NDUFA9: variants seen among roughly 807,000 people sequenced by gnomAD.
NDUFA9 encodes NADH:ubiquinone oxidoreductase subunit A9.
A neutral mutation model predicts 45.9 loss-of-function variants in NDUFA9; 23 were observed. The ratio of observed to expected loss-of-function variants is 0.50; its 90% CI spans 0.36 to 0.71. The LOEUF (loss-of-function observed/expected upper bound fraction) is 0.71, where lower values mean the gene tolerates loss of function less well. Ranked by LOEUF, NDUFA9 falls within the 30% of genes least tolerant of loss-of-function variation. The probability of loss-of-function intolerance (pLI) is 0.00; values close to 1 mark genes in which losing one functional copy is unlikely to be tolerated. For missense variants in NDUFA9, 466 were observed against 488.2 expected (o/e 0.95, Z 0.43); for synonymous variants, 176 against 170.5 (o/e 1.03, Z -0.25).
chr12:4,681,975 GTATT>G (rs1397662887), intron 8 of NDUFA9, among the ~76,000 whole-genome samples: 3 of 152,166 alleles, frequency 2.0e-5, no homozygotes, highest in African/African-American at 7.2e-5. Flanking sequence ...AATGGATTGT[GTATT>G]TATTAAAAGC....
chr12:4,669,662 T>G (rs569938633), intron 7 of NDUFA9, 79 bp from the exon 8 acceptor site: 1 of 922,590 alleles, frequency 1.1e-6, no homozygotes, highest in Non-Finnish European at 1.7e-6. Flanking sequence ...TTCTCTTCTT[T>G]CCTTTCTTTC....
intron 6 of NDUFA9, among the ~76,000 whole-genome samples, chr12:4,663,428 T>C (rs1452832848): frequency 6.6e-6 from 1 of 152,198 alleles, no homozygotes; most frequent in Non-Finnish European, 1.5e-5. Flanking sequence ...TTAGGACTTT[T>C]GGAGGAAATT....
In NDUFA9 at chr12:4,686,966, A is replaced by G. The variant is rs764307756; in HGVS notation, c.992A>G (p.His331Arg). 6.2e-7 allele frequency: 1 copy of G among 1,614,100 alleles called. No homozygotes were observed. The highest frequency in any genetic ancestry group is 1.7e-5 in the Admixed American group (1 of 60,022). The change falls in exon 11 of 11, where the codon CAC becomes CGC. Residue 331 changes from histidine (H) to arginine (R), a missense_variant. Coordinates refer to ENST00000266544, the MANE Select transcript of NDUFA9 (RefSeq NM_005002.5). ...CACATCACAGACATGAAATTGCCTC[A>G]CCTGCCTGGCTTAGAAGACCTTGGT... ...RMHITDMKLPHLPGLEDLGIQ... is the reference protein window; with the variant it reads ...RMHITDMKLPRLPGLEDLGIQ...
intron 9 of NDUFA9, among the ~76,000 whole-genome samples, chr12:4,684,367 G>A (rs149488960): frequency 6.6e-6 from 1 of 152,306 alleles, no homozygotes; most frequent in Non-Finnish European, 1.5e-5. Flanking sequence ...AAAAGAGCTG[G>A]TCTGGTTGCA....
chr12:4,657,906 GCAC>G, intron 4 of NDUFA9, 67 bp downstream of exon 4: 1 of 1,253,046 alleles, frequency 8.0e-7, no homozygotes, highest in Non-Finnish European at 1.2e-6. Context: ...CCTTCGCTGG[GCAC>G]CTTTTATGTG....
chr12:4,674,101 T>A (rs1435693308), intron 8 of NDUFA9, among the ~76,000 whole-genome samples: 3 of 152,200 alleles, frequency 2.0e-5, no homozygotes, highest in Non-Finnish European at 2.9e-5. Flanking sequence ...TAAAATCCTT[T>A]ACAGACAAGC....
At chr12:4,681,481 T>G (rs905420753) in intron 8 of NDUFA9, among the ~76,000 whole-genome samples, 14 of 150,804 alleles carry the variant, frequency 9.3e-5, no homozygotes, top group Non-Finnish European at 1.8e-4. Context: ...AATTAAAACA[T>G]GAGATACCTT....
Position 4,693,983 on chromosome 12 carries a change from G to A in NDUFA9, c.*6875G>A, listed in dbSNP as rs1265111876. 2.0e-5 allele frequency: 3 copies of A among 152,222 alleles called. No homozygotes were observed. Among genetic ancestry groups the A allele is most frequent in the Non-Finnish European group, 4.4e-5 (3 of 68,046 alleles). The allele number at this position is 152,222 out of a possible 1,614,324, so 9.4% of individuals were successfully genotyped here. On this transcript the variant is annotated 3_prime_UTR_variant, in exon 11 of 11. Transcript: ENST00000266544. ...AGTCCATAAATAGGACTTGGAAATG[G>A]AAGTGTAGGGGGAGATCCCATTGTA...
At position 4,649,166 on chromosome 12, in the gene NDUFA9, T is replaced by C; in HGVS notation, c.40T>C (p.Ser14Pro). The C allele has an allele frequency of 6.2e-7, 1 of 1,604,990 alleles. No homozygotes were observed. The highest frequency in any genetic ancestry group is 8.5e-7 in the Non-Finnish European group (1 of 1,175,958). ...AAQSRVVRVL[S>P]MSRSAITAIA... ...ACAATCCCGGGTTGTCCGGGTCCTG[T>C]CAATGTCACGTAAGTGTTACCGGGA... The change falls in exon 1 of 11, where the codon TCA becomes CCA. Residue 14 changes from serine to proline, a missense_variant. Ser to Pro is a moderately conservative substitution (Grantham distance 74). Transcript: ENST00000266544.
intron 3 of NDUFA9, 106 bp downstream of exon 3, chr12:4,655,028 C>G: frequency 3.6e-6 from 3 of 831,470 alleles, no homozygotes; most frequent in Non-Finnish European, 5.6e-6. Context: ...CCAGAATGGA[C>G]CAAAGGCATC....
chr12:4,653,569 G>A (rs1484871373), intron 1 of NDUFA9: 3 of 440,924 alleles, frequency 6.8e-6, no homozygotes, highest in South Asian at 4.9e-5. Context: ...AAGAAATGGT[G>A]GAATGTTTGA....
At chr12:4,668,340 C>A in intron 6 of NDUFA9, 117 bp from the exon 7 acceptor site, 2 of 831,514 alleles carry the variant, frequency 2.4e-6, no homozygotes, top group Non-Finnish European at 3.9e-6. Context: ...TCCTCAGAGT[C>A]AGCTACATTC....
chr12:4,675,494 C>T (rs1300384684), intron 8 of NDUFA9, among the ~76,000 whole-genome samples: 1 of 152,118 alleles, frequency 6.6e-6, no homozygotes, highest in Non-Finnish European at 1.5e-5. Context: ...ACTGATCCCA[C>T]AGAAATACTA....
chr12:4,680,885 ATACT>A (rs1156582253), intron 8 of NDUFA9, among the ~76,000 whole-genome samples: 7 of 152,216 alleles, frequency 4.6e-5, no homozygotes, highest in African/African-American at 1.4e-4. Flanking sequence ...ATAAGCACTG[ATACT>A]TATTAATGCT....
At chr12:4,682,330 C>T (rs772339426) in intron 9 of NDUFA9, 30 bp downstream of exon 9, 12 of 1,511,752 alleles carry the variant, frequency 7.9e-6, no homozygotes, top group Admixed American at 1.7e-5. Context: ...TGTGTGACTT[C>T]TGAAAAAGCC....
intron 3 of NDUFA9, among the ~76,000 whole-genome samples, chr12:4,656,636 C>T (rs189421303): frequency 1.3e-5 from 2 of 152,326 alleles, no homozygotes; most frequent in African/African-American, 4.8e-5. Flanking sequence ...TTGGTTTGCC[C>T]ACCTGACTGT....
At chr12:4,683,002 G>A (rs1185027448) in intron 9 of NDUFA9, among the ~76,000 whole-genome samples, 1 of 152,086 alleles carries the variant, frequency 6.6e-6, no homozygotes. Flanking sequence ...GAGCTTGGGA[G>A]TTCAAGGCTT....
rs1261355919 is a variant in NDUFA9, at chr12:4,689,016, G to C, written c.*1908G>C. ...TACATAATAGATGTAAATATTGTCAGGGTATATGTGGTAATTTGATATATT... is the reference window on the plus strand; with the variant it reads ...TACATAATAGATGTAAATATTGTCACGGTATATGTGGTAATTTGATATATT... On this transcript the variant is annotated 3_prime_UTR_variant, in exon 11 of 11. Coordinates refer to ENST00000266544, the MANE Select transcript of NDUFA9 (RefSeq NM_005002.5). 1 of 152,110 alleles carries C rather than the reference G, an allele frequency of 6.6e-6. No individual in the cohort carries two copies. Among genetic ancestry groups the C allele is most frequent in the Non-Finnish European group, 1.5e-5 (1 of 68,034 alleles). 9.4% of individuals were successfully genotyped at this position (152,110 alleles called of 1,614,324 possible). A position where few individuals can be genotyped will look rare whatever the true frequency, so the allele number is the denominator to read the frequency against.
In NDUFA9 at chr12:4,685,370, C is replaced by T. The variant is rs145777379; in HGVS notation, c.963+45C>T. The stretch of plus-strand genomic sequence containing the variant: ...GCGTCTGCCTGGGCAGATGATGAGG[C>T]GTTAGACTTATTTTGCTTTGCCTGC... On this transcript the variant is annotated intron_variant, in intron 10 of 10. Coordinates refer to ENST00000266544, the MANE Select transcript of NDUFA9 (RefSeq NM_005002.5). 7.2e-4 allele frequency: 1,109 copies of T among 1,548,604 alleles called. 16 individuals are homozygous for T. The East Asian group carries it at 0.022, about 30-fold the overall frequency.
Sources: gnomAD v4.1 joint callset for allele counts (sites outside exome capture counted in the v4.1 genomes callset) on GRCh38, gnomAD v4.1.1 for gene constraint, MANE v1.5 for transcripts, NCBI Gene and HGNC (gene_info 2026-07-23, HGNC 2026-07-21) for gene names.